Variants in SLC27A3 observed in about 807,000 individuals in gnomAD.
The protein encoded by SLC27A3 is long-chain fatty acid transport protein 3.
A neutral mutation model predicts 60.1 loss-of-function variants in SLC27A3; 60 were observed. The ratio of observed to expected loss-of-function variants is 1.00; its 90% CI spans 0.81 to 1.24. The LOEUF is 1.24. SLC27A3 is among the 50% of genes most tolerant of loss of function. The pLI is 0.00. For missense variants in SLC27A3, 1,079 were observed against 929.9 expected (o/e 1.16, Z -2.09); for synonymous variants, 455 against 409.0 (o/e 1.11, Z -1.36).
Position 153,779,203 on chromosome 1 carries a change from C to A in SLC27A3, c.1736C>A (p.Thr579Asn). 6.2e-7 allele frequency: 1 copy of A among 1,614,164 alleles called. No individual in the cohort carries two copies. The highest frequency in any genetic ancestry group is 1.3e-5 in the African/African-American group (1 of 75,054). Residue 579 changes from threonine (T) to asparagine (N), a missense_variant, in exon 8 of 10, where the codon ACT (threonine) becomes AAT (asparagine). Coordinates refer to ENST00000624995, the MANE Select transcript of SLC27A3 (RefSeq NM_024330.4). ...FLQEVNVYGV[T>N]VPGHEGRAGM... Reference sequence around the variant, plus strand: ...CAGGAGGTGAACGTCTATGGAGTCACTGTGCCAGGTGCCTAGGCATGGAAG... The same window carrying A: ...CAGGAGGTGAACGTCTATGGAGTCAATGTGCCAGGTGCCTAGGCATGGAAG...
intron 7 of SLC27A3, 79 bp downstream of exon 7, chr1:153,778,964 C>G (rs1673383962): frequency 6.7e-7 from 1 of 1,503,456 alleles, no homozygotes; most frequent in African/African-American, 1.4e-5. Context: ...ACTCTCTAAT[C>G]TGCCACCTCA....
chr1:153,778,399 G>T, intron 5 of SLC27A3, 44 bp downstream of exon 5: 1 of 1,613,844 alleles, frequency 6.2e-7, no homozygotes, highest in East Asian at 2.2e-5. Flanking sequence ...AACAGCAGAG[G>T]GCTGGCAGGA....
At chr1:153,779,633 C>T in intron 9 of SLC27A3, 160 bp downstream of exon 9, 1 of 944,162 alleles carries the variant, frequency 1.1e-6, no homozygotes, top group Non-Finnish European at 1.6e-6. Flanking sequence ...GACACAAGCT[C>T]TTCACCCCAC....
rs1673338872 is a variant in SLC27A3 at position 153,778,276 on chromosome 1, G to A, written c.1277G>A (p.Gly426Glu). The change falls in exon 5 of 10, where the codon GGA becomes GAA. Residue 426 changes from glycine to glutamate, a missense_variant. Coordinates refer to ENST00000624995, the MANE Select transcript of SLC27A3 (RefSeq NM_024330.4). ...CCCCTGCAGGTGCTGGAGACATATG[G>A]ACTGACAGAGGGCAACGTGGCCACC... is the stretch of plus-strand genomic sequence containing the variant. The part of the protein sequence containing the change: ...FGPLQVLETY[G>E]LTEGNVATIN... 1 of 1,614,206 alleles carries A rather than the reference G, an allele frequency of 6.2e-7. No individual in the cohort carries two copies. Among genetic ancestry groups the A allele is most frequent in the Admixed American group, 1.7e-5 (1 of 60,032 alleles).
In SLC27A3 at chr1:153,777,090, T is replaced by C. The variant is rs753848845; in HGVS notation, c.906T>C (p.His302=). 8.1e-6 allele frequency: 13 copies of C among 1,614,108 alleles called. No homozygotes were observed. In the South Asian group the frequency reaches 1.4e-4, roughly 18 times the overall value. Reference sequence around the variant, plus strand: ...TCCCCAAGGCTGCTCGGATCAGTCATCTGAAGATCCTGCAATGCCAGGGCT... The same window carrying C: ...TCCCCAAGGCTGCTCGGATCAGTCACCTGAAGATCCTGCAATGCCAGGGCT... ...TGLPKAARIS[H]LKILQCQGFY... The change falls in exon 3 of 10, where the codon CAT becomes CAC. Residue 302 remains histidine, a synonymous_variant. Coordinates refer to ENST00000624995, the MANE Select transcript of SLC27A3 (RefSeq NM_024330.4).
rs1673182851 is a variant in SLC27A3, at chr1:153,775,910, G to C, written c.413G>C (p.Gly138Ala). ...GGCGAGCGGGCAGCGCCGGGAGCCG[G>C]AGATGCAGCGGCCGGAAGCGGCGCG... ...GEGERAAPGA[G>A]DAAAGSGAEF... The change falls in exon 1 of 10, where the codon GGA (glycine) becomes GCA (alanine). Residue 138 changes from glycine (G) to alanine (A), a missense_variant. Coordinates refer to ENST00000624995, the MANE Select transcript of SLC27A3 (RefSeq NM_024330.4). 1.4e-6 allele frequency: 2 copies of C among 1,471,212 alleles called. No homozygotes were observed. Among genetic ancestry groups the C allele is most frequent in the Middle Eastern group, 2.2e-4 (1 of 4,646 alleles). 91.1% of individuals were successfully genotyped at this position (1,471,212 alleles called of 1,614,324 possible).
Position 153,775,607 on chromosome 1 carries a change from T to A in SLC27A3, c.110T>A (p.Val37Glu). The A allele has an allele frequency of 6.3e-7, 1 of 1,591,278 alleles. No individual in the cohort carries two copies. Among genetic ancestry groups the A allele is most frequent in the Non-Finnish European group, 8.5e-7 (1 of 1,171,708 alleles). ...RWLPADLAFA[V>E]RALCCKRALR... is the part of the protein sequence containing the mutation. Reference sequence around the variant, plus strand: ...CTTCCGGCGGACTTGGCCTTTGCGGTGCGAGCTCTGTGCTGCAAAAGGGCT... The same window carrying A: ...CTTCCGGCGGACTTGGCCTTTGCGGAGCGAGCTCTGTGCTGCAAAAGGGCT... The change falls in exon 1 of 10, where the codon GTG becomes GAG. Residue 37 changes from valine (V) to glutamate (E), a missense_variant. Coordinates refer to ENST00000624995, the MANE Select transcript of SLC27A3 (RefSeq NM_024330.4).
intron 1 of SLC27A3, 30 bp from the exon 2 acceptor site, chr1:153,776,488 C>G (rs202183463): frequency 6.3e-7 from 1 of 1,589,390 alleles, no homozygotes; most frequent in South Asian, 1.1e-5. Flanking sequence ...AGAGCCAGGG[C>G]CCCGGCGTTG....
chr1:153,778,033 A>G, intron 4 of SLC27A3, 128 bp from the exon 5 acceptor site: 4 of 1,467,126 alleles, frequency 2.7e-6, no homozygotes, highest in Non-Finnish European at 3.7e-6. Flanking sequence ...GGCCTAGGCC[A>G]TCTGATGCTT....
chr1:153,777,063 C>T lies in SLC27A3; in HGVS notation c.879C>T (p.Gly293=), dbSNP rs769519371. Residue 293 remains glycine (G), a splice_region_variant and synonymous_variant, in exon 3 of 10, where the codon GGC becomes GGT. Transcript: ENST00000624995. ...CLYIFTSGTT[G]LPKAARISHL... ...CGTCCCATAACTGCCACCCCACAGG[C>T]CTCCCCAAGGCTGCTCGGATCAGTC... The T allele has an allele frequency of 1.2e-6, 2 of 1,614,146 alleles. No individual in the cohort carries two copies. The highest frequency in any genetic ancestry group is 1.7e-6 in the Non-Finnish European group (2 of 1,179,978).
Position 153,775,523 on chromosome 1 carries a change from TGCTGCTGTTGCTACC to T in SLC27A3, c.34_48del (p.Pro14_Leu18del), listed in dbSNP as rs758662543. The T allele has an allele frequency of 7.4e-6, 12 of 1,612,874 alleles. No homozygotes were observed. Among genetic ancestry groups the T allele is most frequent in the East Asian group, 2.2e-5 (1 of 44,892 alleles). On this transcript the variant is annotated inframe_deletion, in exon 1 of 10. Transcript: ENST00000624995. ...ATGGCTGCCCTCCTGCTGCTGCCCC[TGCTGCTGTTGCTACC>T]GCTGCTGCTGCTGAAGCTACACCTC...
At position 153,777,874 on chromosome 1, in the gene SLC27A3, A is replaced by T; in HGVS notation, c.1150A>T (p.Asn384Tyr). The change falls in exon 4 of 10, where the codon AAC becomes TAC. Residue 384 changes from asparagine to tyrosine, a missense_variant. Asn to Tyr is a moderately radical substitution (Grantham distance 143, BLOSUM62 -2). Transcript: ENST00000624995. ...TGGGGAGCTGTGCCGATACCTTGTC[A>T]ACCAGCCCCCGGTGCGTGGGCACAG... ...YIGELCRYLV[N>Y]QPPSKAERGH... is the part of the protein sequence containing the mutation. The T allele has an allele frequency of 6.2e-7, 1 of 1,614,222 alleles. No homozygotes were observed.
intron 2 of SLC27A3, 46 bp downstream of exon 2, chr1:153,776,773 G>A (rs1243730541): frequency 1.9e-6 from 3 of 1,581,956 alleles, no homozygotes; most frequent in African/African-American, 1.3e-5. Context: ...CAAGGCAGAG[G>A]AAGGCAGGGG....
At chr1:153,777,681 G>A (rs1035574938) in intron 3 of SLC27A3, 80 bp from the exon 4 acceptor site, 11 of 1,533,892 alleles carry the variant, frequency 7.2e-6, no homozygotes, top group African/African-American at 4.1e-5. Flanking sequence ...GTGATGGCTG[G>A]GGTCTGGAAA....
At position 153,775,590 on chromosome 1, in the gene SLC27A3, G is replaced by A. The variant is rs1363817043; in HGVS notation, c.93G>A (p.Ala31=). 1.2e-6 allele frequency: 2 copies of A among 1,604,214 alleles called. No individual in the cohort carries two copies. The highest frequency in any genetic ancestry group is 1.1e-5 in the South Asian group (1 of 90,698). ...HLWPQLRWLP[A]DLAFAVRALC... The stretch of plus-strand genomic sequence containing the variant: ...GGCCGCAGTTGCGCTGGCTTCCGGC[G>A]GACTTGGCCTTTGCGGTGCGAGCTC... Residue 31 remains alanine, a synonymous_variant, in exon 1 of 10, where the codon GCG becomes GCA. Coordinates refer to ENST00000624995, the MANE Select transcript of SLC27A3 (RefSeq NM_024330.4).
intron 1 of SLC27A3, 129 bp from the exon 2 acceptor site, chr1:153,776,389 C>G: frequency 2.3e-6 from 3 of 1,287,970 alleles, no homozygotes; most frequent in Non-Finnish European, 3.2e-6. Context: ...GCCTCAGACC[C>G]AAGATGGAAT....
intron 3 of SLC27A3, 86 bp downstream of exon 3, chr1:153,777,306 T>C: frequency 6.6e-7 from 1 of 1,509,462 alleles, no homozygotes; most frequent in Non-Finnish European, 9.1e-7. Context: ...CCAGGGTAGA[T>C]AATCTAGAGG....
chr1:153,775,627 A>G lies in SLC27A3; in HGVS notation c.130A>G (p.Arg44Gly), dbSNP rs138225868. 200 of 1,562,568 alleles carry G rather than the reference A, an allele frequency of 1.3e-4. 7 individuals are homozygous for G. In the East Asian group the frequency reaches 2.3e-3, roughly 18 times the overall value. ...TGCGGTGCGAGCTCTGTGCTGCAAA[A>G]GGGCTCTTCGAGCTCGCGCCCTGGC... ...AFAVRALCCK[R>G]ALRARALAAA... Residue 44 changes from arginine to glycine, a missense_variant, in exon 1 of 10, where the codon AGG becomes GGG. Transcript: ENST00000624995.
At position 153,775,740 on chromosome 1, in the gene SLC27A3, C is replaced by T; in HGVS notation, c.243C>T (p.His81=). 6.6e-7 allele frequency: 1 copy of T among 1,515,934 alleles called. No individual in the cohort carries two copies. The allele number at this position is 1,515,934 out of a possible 1,614,324, so 93.9% of individuals were successfully genotyped here. The change falls in exon 1 of 10, where the codon CAC becomes CAT. Residue 81 remains histidine, a synonymous_variant. Coordinates refer to ENST00000624995, the MANE Select transcript of SLC27A3 (RefSeq NM_024330.4). The part of the protein sequence containing the change: ...LAELAQQRAA[H]TFLIHGSRRF... Reference sequence around the variant, plus strand: ...AACTGGCCCAGCAGCGCGCCGCGCACACCTTTCTCATTCACGGCTCGCGGC... The same window carrying T: ...AACTGGCCCAGCAGCGCGCCGCGCATACCTTTCTCATTCACGGCTCGCGGC...
Sources: gnomAD v4.1 joint callset for allele counts on GRCh38, gnomAD v4.1.1 for gene constraint, MANE v1.5 for transcripts, NCBI Gene and HGNC (gene_info 2026-07-23, HGNC 2026-07-21) for gene names.